The following ADK variants were observed in gnomAD, a reference collection of about 807,000 sequenced individuals.
The protein encoded by ADK is adenosine kinase, also known as N6,N6-dimethyladenosine kinase.
Under a neutral mutation model 44.7 loss-of-function variants are expected in ADK, and 24 were observed. The observed-to-expected ratio is 0.54, with a 90% CI of 0.39 to 0.76. ADK has a LOEUF of 0.76. ADK is among the 30% of genes least tolerant of loss of function. The pLI, the probability that ADK is intolerant of heterozygous loss-of-function variation, is 0.00. For synonymous variants in ADK, 128 were observed against 142.6 expected, an observed-to-expected ratio of 0.90 and a Z score of 0.73; for missense variants, 321 against 425.1, an observed-to-expected ratio of 0.76 and a Z score of 2.15.
intron 6 of ADK, among the ~76,000 whole-genome samples, chr10:74,498,459 CT>C (rs1264258915): frequency 2.0e-5 from 3 of 152,204 alleles, no homozygotes; most frequent in Non-Finnish European, 2.9e-5. Flanking sequence ...CTTTAGAGAA[CT>C]GCTATTGATA....
At chr10:74,639,605 G>C (rs753627408) in intron 9 of ADK, among the ~76,000 whole-genome samples, 2 of 152,176 alleles carry the variant, frequency 1.3e-5, no homozygotes, top group East Asian at 1.9e-4. Flanking sequence ...GGGAGGCCGA[G>C]GGGGGCAGAT....
chr10:74,253,259 G>A (rs1412295304), intron 3 of ADK, among the ~76,000 whole-genome samples: 1 of 152,258 alleles, frequency 6.6e-6, no homozygotes, highest in African/African-American at 2.4e-5. Context: ...GAGAGTAGCA[G>A]TTCAGGGCAG....
chr10:74,314,594 C>A, intron 3 of ADK, 73 bp from the exon 4 acceptor site: 2 of 932,364 alleles, frequency 2.1e-6, no homozygotes, highest in Admixed American at 1.8e-5. Flanking sequence ...TAATACTCTT[C>A]TGCTCAGAAA....
intron 7 of ADK, among the ~76,000 whole-genome samples, chr10:74,567,939 T>C (rs1189501747): frequency 6.6e-6 from 1 of 152,006 alleles, no homozygotes; most frequent in African/African-American, 2.4e-5. Flanking sequence ...GACCTCGTAA[T>C]CCGCCCGCCT....
intron 3 of ADK, among the ~76,000 whole-genome samples, chr10:74,275,447 C>T (rs1363893182): frequency 1.3e-5 from 2 of 152,016 alleles, no homozygotes; most frequent in Non-Finnish European, 2.9e-5. Flanking sequence ...TAGGACAGAT[C>T]TTAAGGTTAA....
chr10:74,186,002 C>T lies in ADK; in HGVS notation c.66-14762C>T, dbSNP rs1301596283. On this transcript the variant is annotated intron_variant, in intron 1 of 10. Coordinates refer to ENST00000539909, the MANE Select transcript of ADK (RefSeq NM_006721.4). ...AGCTGGGATTACAGGTGCGCCCCACCGTGCCAGGCTAATTTTTGTATATTT... is the reference window on the plus strand; with the variant it reads ...AGCTGGGATTACAGGTGCGCCCCACTGTGCCAGGCTAATTTTTGTATATTT... Among the ~76,000 whole-genome samples the T allele has an allele frequency of 5.3e-5, 8 of 151,820 alleles. No individual in the cohort carries two copies. The East Asian group carries it at 1.4e-3, about 26-fold the overall frequency.
intron 2 of ADK, among the ~76,000 whole-genome samples, chr10:74,201,168 T>C (rs1207388864): frequency 6.6e-6 from 1 of 152,210 alleles, no homozygotes; most frequent in Non-Finnish European, 1.5e-5. Flanking sequence ...TATCATAATC[T>C]ACAGACATTC....
chr10:74,699,720 A>G (rs951511508), intron 10 of ADK, among the ~76,000 whole-genome samples: 2 of 152,224 alleles, frequency 1.3e-5, no homozygotes, highest in African/African-American at 4.8e-5. Context: ...CAAACATCCT[A>G]TAGAAAAATA....
intron 4 of ADK, among the ~76,000 whole-genome samples, chr10:74,329,306 C>A (rs772957739): frequency 1.3e-5 from 2 of 152,132 alleles, no homozygotes; most frequent in Non-Finnish European, 2.9e-5. Context: ...TAGATTGTAA[C>A]ATACCACAGT....
chr10:74,520,518 A>C (rs1397613565), intron 6 of ADK, among the ~76,000 whole-genome samples: 2 of 152,010 alleles, frequency 1.3e-5, no homozygotes, highest in African/African-American at 4.8e-5. Flanking sequence ...GAAATAATGA[A>C]AAGAGGTTGT....
chr10:74,267,754 TTGTGTGTGTG>T (rs372502769), intron 3 of ADK, among the ~76,000 whole-genome samples: 113 of 132,844 alleles, frequency 8.5e-4, no homozygotes, highest in Non-Finnish European at 1.3e-3. Flanking sequence ...ATATCCTTAT[TTGTGTGTGTG>T]TGTGTGTGTG....
chr10:74,664,661 G>C (rs1041947244), intron 9 of ADK, among the ~76,000 whole-genome samples: 3 of 152,054 alleles, frequency 2.0e-5, no homozygotes, highest in African/African-American at 7.2e-5. Flanking sequence ...TGGCCAACAT[G>C]ATGAAACTCC....
chr10:74,670,605 T>A (rs897382195), intron 10 of ADK, among the ~76,000 whole-genome samples: 6 of 152,238 alleles, frequency 3.9e-5, no homozygotes, highest in Non-Finnish European at 5.9e-5. Context: ...AACACATTTT[T>A]GTTCTTTAAA....
chr10:74,566,918 A>C (rs187500860), intron 7 of ADK, among the ~76,000 whole-genome samples: 185 of 152,350 alleles, frequency 1.2e-3, no homozygotes, highest in Non-Finnish European at 2.2e-3. Flanking sequence ...TCATAATGGA[A>C]TCTCTACTTC....
intron 1 of ADK, 33 bp downstream of exon 1, chr10:74,151,376 C>A: frequency 6.5e-7 from 1 of 1,548,524 alleles, no homozygotes; most frequent in Non-Finnish European, 8.7e-7. Context: ...AGGAGGGTGA[C>A]GGCGCTGCAA....
At chr10:74,182,221 C>T (rs370179174) in intron 1 of ADK, among the ~76,000 whole-genome samples, 3 of 151,202 alleles carry the variant, frequency 2.0e-5, no homozygotes, top group South Asian at 2.1e-4. Flanking sequence ...TTTTAAAATA[C>T]GAATTGTAAA....
chr10:74,399,897 T>A (rs1046680749), intron 6 of ADK, among the ~76,000 whole-genome samples: 3 of 152,120 alleles, frequency 2.0e-5, no homozygotes, highest in Non-Finnish European at 4.4e-5. Context: ...ATATAGTTGT[T>A]CAATCCTGAA....
intron 6 of ADK, among the ~76,000 whole-genome samples, chr10:74,434,480 A>G (rs953212131): frequency 3.9e-5 from 6 of 152,354 alleles, no homozygotes; most frequent in African/African-American, 1.4e-4. Context: ...AAATCGGACA[A>G]CAACCTCATT....
intron 4 of ADK, among the ~76,000 whole-genome samples, chr10:74,333,398 A>G (rs1204632130): frequency 6.6e-6 from 1 of 152,204 alleles, no homozygotes; most frequent in Non-Finnish European, 1.5e-5. Flanking sequence ...CATGAGCATT[A>G]GTAATCCAGT....
Sources: allele counts gnomAD v4.1 joint callset (sites outside exome capture counted in the v4.1 genomes callset), GRCh38; gene constraint gnomAD v4.1.1; transcripts MANE v1.5; gene names NCBI Gene and HGNC (gene_info 2026-07-23, HGNC 2026-07-21).